Variants in ZNF644 observed in about 807,000 individuals in gnomAD.
ZNF644 encodes zinc finger protein 644.
A neutral mutation model predicts 108.0 loss-of-function variants in ZNF644; 20 were observed. That is an observed-to-expected ratio of 0.19 (90% CI 0.13 to 0.27). The LOEUF is 0.27. Ranked by LOEUF, ZNF644 falls within the 10% of genes least tolerant of loss-of-function variation. ZNF644 has a pLI of 1.00. For synonymous variants in ZNF644, 542 were observed against 539.1 expected, an observed-to-expected ratio of 1.01 and a Z score of -0.08; for missense variants, 1,338 against 1,548.9, an observed-to-expected ratio of 0.86 and a Z score of 2.29.
intron 1 of ZNF644, chr1:91,020,466 T>C (rs183193707): frequency 5.2e-4 from 79 of 152,336 alleles, no homozygotes; most frequent in Middle Eastern, 3.4e-3. Context: ...TTGTTAGAAA[T>C]TGTAAGACTT....
chr1:90,940,849 C>A lies in ZNF644; in HGVS notation c.505G>T (p.Ala169Ser), dbSNP rs138195256. ...ADLQLSTPQK[A>S]SQHQVLFLLS... is the part of the protein sequence containing the mutation. ...AAAAATAAAACTTGGTGTTGACTTG[C>A]TTTCTGTGGTGTAGACAGCTGAAGA... is the stretch of plus-strand genomic sequence containing the variant. Residue 169 changes from alanine to serine, a missense_variant, in exon 3 of 6, where the codon GCA becomes TCA. Ala to Ser is a moderately conservative substitution (Grantham distance 99, BLOSUM62 1). Transcript: ENST00000337393. The A allele has an allele frequency of 1.2e-6, 2 of 1,613,900 alleles. No individual in the cohort carries two copies. Among genetic ancestry groups the A allele is most frequent in the Non-Finnish European group, 1.7e-6 (2 of 1,179,978 alleles).
chr1:90,948,872 T>A lies in ZNF644; in HGVS notation c.45-7563A>T, dbSNP rs144462385. ...ACCTCAGTAATTAAGTTTTTCAAAT[T>A]CAAAGGTTCACAGATTTTATTTAAT... On this transcript the variant is annotated intron_variant, in intron 2 of 5. Transcript: ENST00000337393. 6.9e-3 allele frequency among the ~76,000 whole-genome samples: 1,056 copies of A among 152,324 alleles called. 5 individuals are homozygous for A. Among genetic ancestry groups the A allele is most frequent in the Non-Finnish European group, 0.012 (805 of 68,030 alleles).
intron 1 of ZNF644, among the ~76,000 whole-genome samples, chr1:91,017,948 C>T (rs1305089967): frequency 2.0e-5 from 3 of 152,012 alleles, no homozygotes; most frequent in Non-Finnish European, 2.9e-5. Flanking sequence ...GGAAACAGAC[C>T]GAGACTCCGT....
chr1:90,922,108 C>T (rs1000742518), intron 4 of ZNF644, among the ~76,000 whole-genome samples: 1 of 152,056 alleles, frequency 6.6e-6, no homozygotes, highest in East Asian at 1.9e-4. Context: ...TTTTCCTTCA[C>T]GATATAAATG....
intron 2 of ZNF644, among the ~76,000 whole-genome samples, chr1:90,978,002 T>C (rs749118339): frequency 1.3e-5 from 2 of 152,190 alleles, no homozygotes; most frequent in Non-Finnish European, 2.9e-5. Context: ...TAAACATTGC[T>C]GTACTATTTG....
intron 4 of ZNF644, among the ~76,000 whole-genome samples, chr1:90,931,362 C>T (rs906574239): frequency 1.1e-5 from 1 of 90,848 alleles, no homozygotes; most frequent in African/African-American, 3.7e-5. Context: ...TTAAAGAGAA[C>T]AAAATCTCAA....
At position 90,915,453 on chromosome 1, in the gene ZNF644, G is replaced by C. The variant is rs916844906; in HGVS notation, c.*1345C>G. ...TAACTTTATTTACATACGAAGCAAA[G>C]AATCAATGCATATCCTTGGTTCAAC... On this transcript the variant is annotated 3_prime_UTR_variant, in exon 6 of 6. Coordinates refer to ENST00000337393, the MANE Select transcript of ZNF644 (RefSeq NM_201269.3). 4 of 152,430 alleles carry C rather than the reference G, an allele frequency of 2.6e-5. No individual in the cohort carries two copies. Among genetic ancestry groups the C allele is most frequent in the South Asian group, 2.1e-4 (1 of 4,828 alleles). The allele number at this position is 152,430 out of a possible 1,614,324, so 9.4% of individuals were successfully genotyped here.
At chr1:90,923,876 G>C (rs1260249180) in intron 4 of ZNF644, among the ~76,000 whole-genome samples, 1 of 152,144 alleles carries the variant, frequency 6.6e-6, no homozygotes, top group Non-Finnish European at 1.5e-5. Context: ...AAAGTAGGAA[G>C]TTAAATTAAG....
At position 90,915,639 on chromosome 1, in the gene ZNF644, T is replaced by G; in HGVS notation, c.*1159A>C. On this transcript the variant is annotated 3_prime_UTR_variant, in exon 6 of 6. Coordinates refer to ENST00000337393, the MANE Select transcript of ZNF644 (RefSeq NM_201269.3). The stretch of plus-strand genomic sequence containing the variant: ...ATGACCAAGACACCTGCACCATATT[T>G]TCCATTCCTCACAGCACATTTATTT... 6.6e-6 allele frequency: 1 copy of G among 152,616 alleles called. No individual in the cohort carries two copies. 9.5% of individuals were successfully genotyped at this position (152,616 alleles called of 1,614,324 possible). A position where few individuals can be genotyped will look rare whatever the true frequency, so the allele number is the denominator to read the frequency against.
chr1:90,926,699 T>C (rs369061094), intron 4 of ZNF644, among the ~76,000 whole-genome samples: 123 of 152,186 alleles, frequency 8.1e-4, no homozygotes, highest in African/African-American at 2.9e-3. Flanking sequence ...AAATCTTGAG[T>C]CATCTCTTAA....
chr1:90,917,321 T>C (rs531576254), intron 5 of ZNF644, among the ~76,000 whole-genome samples: 1 of 152,298 alleles, frequency 6.6e-6, no homozygotes, highest in African/African-American at 2.4e-5. Context: ...TAGCATTCCT[T>C]AAATGGCATT....
intron 2 of ZNF644, among the ~76,000 whole-genome samples, chr1:90,977,992 T>C (rs1402273686): frequency 2.0e-5 from 3 of 152,190 alleles, no homozygotes; most frequent in African/African-American, 7.2e-5. Flanking sequence ...CTTTTTACTT[T>C]AAACATTGCT....
At chr1:90,932,908 T>C (rs1650903021) in intron 4 of ZNF644, among the ~76,000 whole-genome samples, 1 of 152,164 alleles carries the variant, frequency 6.6e-6, no homozygotes, top group Non-Finnish European at 1.5e-5. Context: ...TCCTTTTCTT[T>C]GCCTAGGACT....
chr1:91,021,106 G>C (rs1176858541), intron 1 of ZNF644: 1 of 152,146 alleles, frequency 6.6e-6, no homozygotes, highest in African/African-American at 2.4e-5. Flanking sequence ...GAAGAGTCTG[G>C]GACAACTCAT....
At chr1:90,966,747 CAAAAAAAAAA>C (rs67549954) in intron 2 of ZNF644, among the ~76,000 whole-genome samples, 1 of 73,916 alleles carries the variant, frequency 1.4e-5, no homozygotes, top group Non-Finnish European at 2.5e-5. Flanking sequence ...GACTCAGTCT[CAAAAAAAAAA>C]AAAAAAAAAA....
chr1:90,937,198 CT>C (rs1651414153), intron 4 of ZNF644, among the ~76,000 whole-genome samples: 1 of 152,164 alleles, frequency 6.6e-6, no homozygotes, highest in Non-Finnish European at 1.5e-5. Context: ...TACAGATCAG[CT>C]TTTTGTTTGT....
At chr1:91,007,911 A>ATCTT (rs1159775426) in intron 1 of ZNF644, among the ~76,000 whole-genome samples, 3 of 152,200 alleles carry the variant, frequency 2.0e-5, no homozygotes, top group Non-Finnish European at 4.4e-5. Context: ...GAGGCACTTA[A>ATCTT]AAGTTGCCTA....
chr1:90,977,112 A>G (rs1394849002), intron 2 of ZNF644, among the ~76,000 whole-genome samples: 2 of 150,004 alleles, frequency 1.3e-5, no homozygotes, highest in Non-Finnish European at 1.5e-5. Flanking sequence ...ATCATACATA[A>G]TAAGGATAGT....
intron 2 of ZNF644, 127 bp downstream of exon 2, chr1:90,982,183 A>G (rs934684264): frequency 1.4e-5 from 10 of 727,652 alleles, no homozygotes; most frequent in Non-Finnish European, 2.1e-5. Flanking sequence ...AAAGTCAATT[A>G]TTTGCATTTC....
Sources: gnomAD v4.1 joint callset for allele counts (sites outside exome capture counted in the v4.1 genomes callset) on GRCh38, gnomAD v4.1.1 for gene constraint, MANE v1.5 for transcripts, NCBI Gene and HGNC (gene_info 2026-07-23, HGNC 2026-07-21) for gene names.